SLC35F1: variants seen among roughly 807,000 people sequenced by gnomAD.
SLC35F1 encodes solute carrier family 35 member F1, also known as chromosome 6 open reading frame 169.
SLC35F1 carries 14 observed loss-of-function variants against 48.7 expected under a neutral mutation model. The observed-to-expected ratio is 0.29, with a 90% CI of 0.19 to 0.45. The LOEUF is 0.45. Among genes scored for constraint, SLC35F1 ranks in the 20% least tolerant of loss-of-function variants. The pLI, the probability that SLC35F1 is intolerant of heterozygous loss-of-function variation, is 1.00. For missense variants in SLC35F1, 404 were observed against 500.0 expected (o/e 0.81, Z 1.83); for synonymous variants, 190 against 202.2 (o/e 0.94, Z 0.51).
At chr6:118,036,208 A>C (rs1322749388) in intron 1 of SLC35F1, among the ~76,000 whole-genome samples, 1 of 152,028 alleles carries the variant, frequency 6.6e-6, no homozygotes, top group Non-Finnish European at 1.5e-5. Flanking sequence ...GTATCCCACA[A>C]ATTTTGATAT....
intron 3 of SLC35F1, among the ~76,000 whole-genome samples, chr6:118,247,999 A>G (rs1775529737): frequency 6.6e-6 from 1 of 152,228 alleles, no homozygotes; most frequent in South Asian, 2.1e-4. Flanking sequence ...AGTATGAGCA[A>G]CTGCTTTCAT....
intron 2 of SLC35F1, among the ~76,000 whole-genome samples, chr6:118,222,248 G>A (rs1404830869): frequency 6.6e-6 from 1 of 152,100 alleles, no homozygotes; most frequent in Non-Finnish European, 1.5e-5. Flanking sequence ...GCTGCCATTC[G>A]ACAGACCAAA....
At chr6:118,000,388 A>G (rs1451762336) in intron 1 of SLC35F1, among the ~76,000 whole-genome samples, 2 of 152,176 alleles carry the variant, frequency 1.3e-5, no homozygotes, top group Non-Finnish European at 2.9e-5. Context: ...GCCTTTGACA[A>G]AATTCAACAA....
chr6:118,201,929 G>A (rs1774878063), intron 2 of SLC35F1, among the ~76,000 whole-genome samples: 1 of 152,126 alleles, frequency 6.6e-6, no homozygotes, highest in South Asian at 2.1e-4. Flanking sequence ...CCATTTTGTA[G>A]CATGTATTAT....
At chr6:118,244,928 G>A (rs939564222) in intron 3 of SLC35F1, among the ~76,000 whole-genome samples, 1 of 152,156 alleles carries the variant, frequency 6.6e-6, no homozygotes, top group Non-Finnish European at 1.5e-5. Context: ...CCAGCTATTG[G>A]GCAAGGCAAC....
At chr6:118,028,320 C>T (rs2114890512) in intron 1 of SLC35F1, among the ~76,000 whole-genome samples, 1 of 151,872 alleles carries the variant, frequency 6.6e-6, no homozygotes, top group Non-Finnish European at 1.5e-5. Context: ...TATCTGCAGC[C>T]TTTTTCAAAA....
chr6:118,160,288 A>T lies in SLC35F1; in HGVS notation c.349+5668A>T, dbSNP rs548958483. Among the ~76,000 whole-genome samples the T allele has an allele frequency of 7.9e-5, 12 of 152,364 alleles. No individual in the cohort carries two copies. In the South Asian group the frequency reaches 2.3e-3, roughly 29 times the overall value. On this transcript the variant is annotated intron_variant, in intron 2 of 7. Transcript: ENST00000360388. ...TTCTGCAAGTTTTGCTTTTTCATTGAAAAGTGTTCTTACGAGCTCTTCCAA... is the reference window on the plus strand; with the variant it reads ...TTCTGCAAGTTTTGCTTTTTCATTGTAAAGTGTTCTTACGAGCTCTTCCAA...
intron 4 of SLC35F1, among the ~76,000 whole-genome samples, chr6:118,268,584 G>GTGTATATATA (rs1554242737): frequency 5.9e-5 from 4 of 67,270 alleles, no homozygotes; most frequent in African/African-American, 1.2e-4. Context: ...TCATATATAT[G>GTGTATATATA]TATATATATA....
chr6:117,944,586 T>TACACACACACACACACACACAC (rs373551582), intron 1 of SLC35F1, among the ~76,000 whole-genome samples: 11 of 146,280 alleles, frequency 7.5e-5, no homozygotes, highest in Non-Finnish European at 1.3e-4. Context: ...AACACACACA[T>TACACACACACACACACACACAC]ACACATACAC....
At chr6:118,206,291 C>T (rs1239167010) in intron 2 of SLC35F1, among the ~76,000 whole-genome samples, 2 of 152,082 alleles carry the variant, frequency 1.3e-5, no homozygotes, top group Non-Finnish European at 2.9e-5. Context: ...AACTTTTTCC[C>T]TCTTATTAGT....
At chr6:117,980,091 TG>T (rs1404537776) in intron 1 of SLC35F1, among the ~76,000 whole-genome samples, 1 of 152,222 alleles carries the variant, frequency 6.6e-6, no homozygotes, top group Non-Finnish European at 1.5e-5. Context: ...ATGGTAACCA[TG>T]GAACCTTGTC....
intron 1 of SLC35F1, among the ~76,000 whole-genome samples, chr6:118,005,453 C>T (rs1777161708): frequency 6.6e-6 from 1 of 152,110 alleles, no homozygotes; most frequent in African/African-American, 2.4e-5. Flanking sequence ...AATAACTACC[C>T]TTTTAATTCA....
intron 1 of SLC35F1, among the ~76,000 whole-genome samples, chr6:118,072,021 T>G (rs1412351925): frequency 6.6e-6 from 1 of 152,232 alleles, no homozygotes; most frequent in Non-Finnish European, 1.5e-5. Flanking sequence ...ATTTCTCTAT[T>G]TCTCTGAAAT....
chr6:118,203,550 T>G (rs1774896995), intron 2 of SLC35F1, among the ~76,000 whole-genome samples: 1 of 152,226 alleles, frequency 6.6e-6, no homozygotes, highest in Non-Finnish European at 1.5e-5. Flanking sequence ...CTGAGGGCTC[T>G]TTTTGCAGTG....
chr6:117,933,782 G>A (rs1393360224), intron 1 of SLC35F1, among the ~76,000 whole-genome samples: 1 of 152,086 alleles, frequency 6.6e-6, no homozygotes, highest in Non-Finnish European at 1.5e-5. Flanking sequence ...CTTGGGTGTG[G>A]TGGGCTCCAT....
At chr6:118,209,413 T>C (rs1368709728) in intron 2 of SLC35F1, among the ~76,000 whole-genome samples, 1 of 152,198 alleles carries the variant, frequency 6.6e-6, no homozygotes, top group Non-Finnish European at 1.5e-5. Context: ...ATAATTGAAG[T>C]CACACTGTGG....
chr6:118,029,463 A>C (rs180809606), intron 1 of SLC35F1, among the ~76,000 whole-genome samples: 607 of 152,252 alleles, frequency 4.0e-3, no homozygotes, highest in Middle Eastern at 0.01. Context: ...ATTGTTGTTA[A>C]TCTCTTACTG....
At chr6:118,169,737 A>G (rs1222228764) in intron 2 of SLC35F1, among the ~76,000 whole-genome samples, 3 of 152,176 alleles carry the variant, frequency 2.0e-5, no homozygotes, top group Non-Finnish European at 4.4e-5. Flanking sequence ...TTCATCATTT[A>G]TGACATAAAT....
intron 2 of SLC35F1, among the ~76,000 whole-genome samples, chr6:118,161,477 T>C (rs1774233874): frequency 6.6e-6 from 1 of 152,212 alleles, no homozygotes; most frequent in Non-Finnish European, 1.5e-5. Context: ...TTGGCAAATG[T>C]AAATACTAAA....
Sources: gnomAD v4.1 joint callset for allele counts (sites outside exome capture counted in the v4.1 genomes callset) on GRCh38, gnomAD v4.1.1 for gene constraint, MANE v1.5 for transcripts, NCBI Gene and HGNC (gene_info 2026-07-23, HGNC 2026-07-21) for gene names.